Variants in NXPH1 observed in about 807,000 individuals in gnomAD.
NXPH1 encodes the protein neurexophilin-1.
Under a neutral mutation model 23.7 loss-of-function variants are expected in NXPH1, and 5 were observed. The ratio of observed to expected loss-of-function variants is 0.21; its 90% CI spans 0.11 to 0.44. The LOEUF is 0.44. Among genes scored for constraint, NXPH1 ranks in the 20% least tolerant of loss-of-function variants. NXPH1 has a pLI of 0.99. For synonymous variants in NXPH1, 144 were observed against 122.2 expected, an observed-to-expected ratio of 1.18 and a Z score of -1.18; for missense variants, 324 against 321.6, an observed-to-expected ratio of 1.01 and a Z score of -0.06.
At chr7:8,627,524 G>A (rs1056797204) in intron 2 of NXPH1, among the ~76,000 whole-genome samples, 2 of 152,134 alleles carry the variant, frequency 1.3e-5, no homozygotes, top group Non-Finnish European at 2.9e-5. Flanking sequence ...ATCGCAGGGG[G>A]AGAAAGGCCT....
chr7:8,685,580 C>T (rs1189797707), intron 2 of NXPH1, among the ~76,000 whole-genome samples: 3 of 152,032 alleles, frequency 2.0e-5, no homozygotes, highest in Non-Finnish European at 4.4e-5. Flanking sequence ...GTGCAGATAC[C>T]TCTCCTTTGA....
intron 2 of NXPH1, among the ~76,000 whole-genome samples, chr7:8,667,133 T>C (rs1305434555): frequency 6.6e-6 from 1 of 152,088 alleles, no homozygotes; most frequent in Non-Finnish European, 1.5e-5. Context: ...TTTAATTTTT[T>C]AATTACATAT....
At chr7:8,676,384 T>C (rs1820953524) in intron 2 of NXPH1, among the ~76,000 whole-genome samples, 1 of 152,202 alleles carries the variant, frequency 6.6e-6, no homozygotes, top group Admixed American at 6.5e-5. Context: ...TGAAGTCATT[T>C]GCATAACACT....
At chr7:8,657,178 T>C (rs1820597155) in intron 2 of NXPH1, among the ~76,000 whole-genome samples, 1 of 152,202 alleles carries the variant, frequency 6.6e-6, no homozygotes, top group East Asian at 1.9e-4. Flanking sequence ...AATAAAAGCA[T>C]ACAAACATTT....
chr7:8,666,846 T>C (rs1350468004), intron 2 of NXPH1, among the ~76,000 whole-genome samples: 2 of 152,088 alleles, frequency 1.3e-5, no homozygotes, highest in African/African-American at 4.8e-5. Context: ...TTATGATCTT[T>C]TGTATTTCTG....
At chr7:8,522,390 T>C (rs1367361163) in intron 2 of NXPH1, among the ~76,000 whole-genome samples, 1 of 152,228 alleles carries the variant, frequency 6.6e-6, no homozygotes, top group Non-Finnish European at 1.5e-5. Context: ...TTCATACAAT[T>C]GAATGTGATG....
At chr7:8,704,190 G>C (rs1373808844) in intron 2 of NXPH1, among the ~76,000 whole-genome samples, 1 of 151,998 alleles carries the variant, frequency 6.6e-6, no homozygotes, top group East Asian at 1.9e-4. Flanking sequence ...GAAAGTGGTT[G>C]TAAAAATTTA....
At chr7:8,630,495 G>A (rs1255333951) in intron 2 of NXPH1, among the ~76,000 whole-genome samples, 1 of 152,214 alleles carries the variant, frequency 6.6e-6, no homozygotes, top group East Asian at 1.9e-4. Context: ...TTTTGAGGAA[G>A]TAATGCAAAC....
intron 2 of NXPH1, among the ~76,000 whole-genome samples, chr7:8,448,875 G>T (rs1816455246): frequency 6.6e-6 from 1 of 150,398 alleles, no homozygotes; most frequent in South Asian, 2.1e-4. Flanking sequence ...AATTGTTTAT[G>T]GAAATGAAGA....
intron 2 of NXPH1, among the ~76,000 whole-genome samples, chr7:8,504,479 G>T (rs1018449165): frequency 3.8e-4 from 57 of 151,954 alleles, no homozygotes; most frequent in African/African-American, 1.4e-3. Context: ...TGTAGAACAG[G>T]GAACTCACCT....
At chr7:8,665,935 G>GTTTTTTTTTTTTTTTTTTTTTTTTTTT (rs1820756667) in intron 2 of NXPH1, among the ~76,000 whole-genome samples, 1 of 46,986 alleles carries the variant, frequency 2.1e-5, no homozygotes, top group Non-Finnish European at 4.6e-5. Flanking sequence ...TTTTTTTTTT[G>GTTTTTTTTTTTTTTTTTTTTTTTTTTT]AAGGAGTCTT....
intron 2 of NXPH1, among the ~76,000 whole-genome samples, chr7:8,561,602 A>G (rs961390031): frequency 1.3e-5 from 2 of 151,668 alleles, no homozygotes; most frequent in African/African-American, 4.8e-5. Context: ...GCCTGTTGGC[A>G]GAAACAGATT....
chr7:8,478,645 T>C (rs1817020638), intron 2 of NXPH1, among the ~76,000 whole-genome samples: 1 of 151,986 alleles, frequency 6.6e-6, no homozygotes, highest in Non-Finnish European at 1.5e-5. Context: ...AACTACATAG[T>C]GAAATATGTA....
chr7:8,546,126 G>A (rs1859275), intron 2 of NXPH1, among the ~76,000 whole-genome samples: 66,590 of 151,084 alleles, frequency 0.44, 16,045 homozygotes, highest in African/African-American at 0.64. Flanking sequence ...ATATTTTGTG[G>A]CTAGGTACTT....
At chr7:8,714,262 A>C (rs1292826707) in intron 2 of NXPH1, among the ~76,000 whole-genome samples, 2 of 151,762 alleles carry the variant, frequency 1.3e-5, no homozygotes, top group Non-Finnish European at 2.9e-5. Context: ...ACTGGTATTC[A>C]CTTAAGGCCC....
intron 2 of NXPH1, among the ~76,000 whole-genome samples, chr7:8,654,456 T>C (rs1251327091): frequency 1.1e-4 from 16 of 152,208 alleles, no homozygotes; most frequent in Non-Finnish European, 2.2e-4. Context: ...CCACATTCTA[T>C]TGAAGGAATA....
chr7:8,583,126 G>A (rs1818913636), intron 2 of NXPH1, among the ~76,000 whole-genome samples: 1 of 152,234 alleles, frequency 6.6e-6, no homozygotes, highest in Admixed American at 6.5e-5. Flanking sequence ...ATCTGCTCAA[G>A]TATAGGCTGG....
chr7:8,694,642 A>C (rs191507856), intron 2 of NXPH1, among the ~76,000 whole-genome samples: 114 of 152,304 alleles, frequency 7.5e-4, no homozygotes, highest in Non-Finnish European at 5.7e-4. Flanking sequence ...ATGTTCTAGC[A>C]GGAAAGGAGC....
At chr7:8,566,638 T>C (rs769298468) in intron 2 of NXPH1, among the ~76,000 whole-genome samples, 6 of 151,822 alleles carry the variant, frequency 4.0e-5, no homozygotes, top group Non-Finnish European at 4.4e-5. Flanking sequence ...TTGCAATTCT[T>C]GGACTTACAC....
Sources: allele counts gnomAD v4.1 joint callset (sites outside exome capture counted in the v4.1 genomes callset), GRCh38; gene constraint gnomAD v4.1.1; transcripts MANE v1.5; gene names NCBI Gene and HGNC (gene_info 2026-07-23, HGNC 2026-07-21).